ADAMTS14: variants seen among roughly 807,000 people sequenced by gnomAD.
ADAMTS14 encodes ADAM metallopeptidase with thrombospondin type 1 motif 14.
A neutral mutation model predicts 128.6 loss-of-function variants in ADAMTS14; 100 were observed. That is an observed-to-expected ratio of 0.78 (90% CI 0.66 to 0.92). The LOEUF (loss-of-function observed/expected upper bound fraction) is 0.92, where lower values mean the gene tolerates loss of function less well. ADAMTS14 is among the 40% of genes least tolerant of loss of function. ADAMTS14 has a pLI of 0.00. For missense variants in ADAMTS14, 1,562 were observed against 1,658.6 expected, an observed-to-expected ratio of 0.94 and a Z score of 1.01; for synonymous variants, 665 against 653.8, an observed-to-expected ratio of 1.02 and a Z score of -0.26.
chr10:70,691,782 GA>G (rs1255245565), intron 2 of ADAMTS14, among the ~76,000 whole-genome samples: 2 of 152,142 alleles, frequency 1.3e-5, no homozygotes, highest in African/African-American at 4.8e-5. Flanking sequence ...CCTTGGTCAT[GA>G]AGTAAGAGGC....
At chr10:70,710,931 G>T (rs532408251) in intron 4 of ADAMTS14, among the ~76,000 whole-genome samples, 1 of 152,206 alleles carries the variant, frequency 6.6e-6, no homozygotes, top group South Asian at 2.1e-4. Flanking sequence ...TTGGTAGGGC[G>T]CTGCCTGGGT....
At chr10:70,754,138 A>T in intron 19 of ADAMTS14, 131 bp downstream of exon 19, 1 of 849,822 alleles carries the variant, frequency 1.2e-6, no homozygotes, top group Non-Finnish European at 1.8e-6. Context: ...TTTTCCTTAA[A>T]GTAGAATAGC....
At chr10:70,739,674 C>T (rs1310780241) in intron 11 of ADAMTS14, among the ~76,000 whole-genome samples, 1 of 152,120 alleles carries the variant, frequency 6.6e-6, no homozygotes, top group Non-Finnish European at 1.5e-5. Context: ...TCTGAACCCC[C>T]ACAACAACAG....
intron 4 of ADAMTS14, among the ~76,000 whole-genome samples, chr10:70,719,678 T>C (rs1468491700): frequency 2.6e-5 from 4 of 152,160 alleles, no homozygotes; most frequent in Non-Finnish European, 5.9e-5. Flanking sequence ...AAAGTGCTGG[T>C]ATTATAGGCA....
rs758281893 is a variant in ADAMTS14 at position 70,749,783 on chromosome 10, G to A, written c.2264-39G>A. 3.7e-6 allele frequency: 6 copies of A among 1,605,054 alleles called. No homozygotes were observed. The South Asian group carries it at 5.5e-5, about 15-fold the overall frequency. On this transcript the variant is annotated intron_variant, in intron 15 of 21. Coordinates refer to ENST00000373207, the MANE Select transcript of ADAMTS14 (RefSeq NM_080722.4). ...TTCATGGCCCGCCCCCTGTGGAGAG[G>A]AGCAGAAATCTGTGTGACCCTCTCC...
At chr10:70,721,384 T>C (rs72814571) in intron 4 of ADAMTS14, among the ~76,000 whole-genome samples, 27,433 of 151,502 alleles carry the variant, frequency 0.18, 3,280 homozygotes, top group Non-Finnish European at 0.26. Flanking sequence ...CTTTTTTTTT[T>C]TCTCTTTTCT....
At chr10:70,753,652 C>A in intron 18 of ADAMTS14, 148 bp from the exon 19 acceptor site, 2 of 786,784 alleles carry the variant, frequency 2.5e-6, no homozygotes, top group Non-Finnish European at 4.0e-6. Flanking sequence ...AGCTGCAGAG[C>A]CAGGTGGACA....
At chr10:70,743,705 G>A (rs761076242) in intron 13 of ADAMTS14, 24 bp downstream of exon 13, 38 of 1,548,108 alleles carry the variant, frequency 2.5e-5, no homozygotes, top group Middle Eastern at 1.7e-4. Context: ...CAGCCACCCC[G>A]ACTACCGGCA....
At chr10:70,724,282 GCAGAGGTGACTTTGAACTTGGCT>G (rs1461333965) in intron 4 of ADAMTS14, among the ~76,000 whole-genome samples, 1 of 152,214 alleles carries the variant, frequency 6.6e-6, no homozygotes, top group Admixed American at 6.5e-5. Flanking sequence ...TGAACATGGC[GCAGAGGTGACTTTGAACTTGGCT>G]CAGAGGTGAG....
rs375988679 is a variant in ADAMTS14, at chr10:70,739,041, G to A, written c.1748+51G>A. On this transcript the variant is annotated intron_variant, in intron 11 of 21. Transcript: ENST00000373207. The stretch of plus-strand genomic sequence containing the variant: ...AGGGCAGGGAGTCCCTCCCCAGGGC[G>A]GAGGGGCTTGGAGGGGAAGGCACTG... 9.2e-5 allele frequency: 142 copies of A among 1,545,380 alleles called. 3 individuals are homozygous for A. The Admixed American group carries it at 2.0e-3, about 21-fold the overall frequency.
At chr10:70,688,562 C>G (rs943516599) in intron 2 of ADAMTS14, among the ~76,000 whole-genome samples, 2 of 60,912 alleles carry the variant, frequency 3.3e-5, no homozygotes, top group African/African-American at 1.2e-4. Flanking sequence ...CGCCACTGCA[C>G]TCCAGCCTGG....
chr10:70,706,902 C>T (rs756726104), intron 3 of ADAMTS14, among the ~76,000 whole-genome samples: 10 of 152,226 alleles, frequency 6.6e-5, no homozygotes, highest in Non-Finnish European at 1.3e-4. Flanking sequence ...CCCATGGATG[C>T]ATCCATGTGC....
intron 2 of ADAMTS14, among the ~76,000 whole-genome samples, chr10:70,701,538 C>T (rs1840492367): frequency 6.6e-6 from 1 of 152,176 alleles, no homozygotes; most frequent in Non-Finnish European, 1.5e-5. Context: ...CACACATACA[C>T]GAACCCACAT....
At chr10:70,715,329 G>C (rs1841004749) in intron 4 of ADAMTS14, among the ~76,000 whole-genome samples, 1 of 152,154 alleles carries the variant, frequency 6.6e-6, no homozygotes, top group African/African-American at 2.4e-5. Context: ...CCAGGAGAGG[G>C]AGTGCTTGTA....
In ADAMTS14 at chr10:70,739,009, G is replaced by T; in HGVS notation, c.1748+19G>T. 1 of 1,590,350 alleles carries T rather than the reference G, an allele frequency of 6.3e-7. No homozygotes were observed. On this transcript the variant is annotated intron_variant, in intron 11 of 21. Coordinates refer to ENST00000373207, the MANE Select transcript of ADAMTS14 (RefSeq NM_080722.4). ...ACCCCTCGTGAGTGTGCTTGGCTAGGGTGGGGAGGGCAGGGAGTCCCTCCC... is the reference window on the plus strand; with the variant it reads ...ACCCCTCGTGAGTGTGCTTGGCTAGTGTGGGGAGGGCAGGGAGTCCCTCCC...
intron 8 of ADAMTS14, among the ~76,000 whole-genome samples, chr10:70,734,663 C>T (rs1450523154): frequency 6.6e-6 from 1 of 152,162 alleles, no homozygotes; most frequent in Non-Finnish European, 1.5e-5. Flanking sequence ...AGACTCAGGA[C>T]CTTGAGGCCT....
At chr10:70,717,340 G>C (rs1036124616) in intron 4 of ADAMTS14, among the ~76,000 whole-genome samples, 8 of 152,140 alleles carry the variant, frequency 5.3e-5, no homozygotes, top group African/African-American at 1.9e-4. Flanking sequence ...GGGGGAGAGG[G>C]CAATTTGGAG....
intron 2 of ADAMTS14, among the ~76,000 whole-genome samples, chr10:70,686,881 T>G (rs1839979441): frequency 1.3e-5 from 1 of 76,898 alleles, no homozygotes. Flanking sequence ...CGGGGGGGGC[T>G]GACCCCCCCC....
rs1445350270 is a variant in ADAMTS14 at position 70,708,605 on chromosome 10, C to A, written c.697C>A (p.Leu233Ile). 6.2e-7 allele frequency: 1 copy of A among 1,606,162 alleles called. No individual in the cohort carries two copies. The highest frequency in any genetic ancestry group is 8.5e-7 in the Non-Finnish European group (1 of 1,173,852). ...LHNEAFGLGD[L>I]PNLLGLVGDQ... The stretch of plus-strand genomic sequence containing the variant: ...GGTTCCAGCCTTTGGCCTGGGAGAC[C>A]TTCCCAACCTGCTGGGCCTGGTGGG... Residue 233 changes from leucine (L) to isoleucine (I), a missense_variant, in exon 4 of 22, where the codon CTT becomes ATT. Coordinates refer to ENST00000373207, the MANE Select transcript of ADAMTS14 (RefSeq NM_080722.4).
Sources: gnomAD v4.1 joint callset for allele counts (sites outside exome capture counted in the v4.1 genomes callset) on GRCh38, gnomAD v4.1.1 for gene constraint, MANE v1.5 for transcripts, NCBI Gene and HGNC (gene_info 2026-07-23, HGNC 2026-07-21) for gene names.